FAM53B: variants seen among roughly 807,000 people sequenced by gnomAD.
FAM53B encodes family with sequence similarity 53 member B.
In FAM53B, 12 loss-of-function variants were observed where a neutral mutation model predicts 32.7. The ratio of observed to expected loss-of-function variants is 0.37; its 90% CI spans 0.24 to 0.59. FAM53B has a LOEUF of 0.59. FAM53B is among the 20% of genes least tolerant of loss of function. The probability of loss-of-function intolerance (pLI) is 0.72; values close to 1 mark genes in which losing one functional copy is unlikely to be tolerated. For synonymous variants in FAM53B, 234 were observed against 228.7 expected (o/e 1.02, Z -0.21); for missense variants, 477 against 577.7 (o/e 0.83, Z 1.79).
At chr10:124,626,202 G>C (rs935466698) in intron 4 of FAM53B, among the ~76,000 whole-genome samples, 1 of 152,280 alleles carries the variant, frequency 6.6e-6, no homozygotes, top group African/African-American at 2.4e-5. Context: ...GAACGCAGCA[G>C]GAGCGCAGCC....
chr10:124,668,639 C>T (rs1383274813), intron 4 of FAM53B, among the ~76,000 whole-genome samples: 1 of 152,248 alleles, frequency 6.6e-6, no homozygotes. Context: ...CACAAGGGTG[C>T]TCTCCTTGTC....
chr10:124,649,458 C>T (rs1949541597), intron 4 of FAM53B, among the ~76,000 whole-genome samples: 1 of 152,200 alleles, frequency 6.6e-6, no homozygotes. Flanking sequence ...AGAGAAACAG[C>T]AGGCCTGGCC....
In FAM53B at chr10:124,682,457, G is replaced by T; in HGVS notation, c.134-78C>A. The T allele has an allele frequency of 2.3e-6, 3 of 1,302,064 alleles. No homozygotes were observed. The highest frequency in any genetic ancestry group is 3.1e-6 in the Non-Finnish European group (3 of 952,618). The allele number at this position is 1,302,064 out of a possible 1,614,324, so 80.7% of individuals were successfully genotyped here. ...GCCCTTTATTATCTCCACACCAACA[G>T]CCCGTTTCAAACACAGTATCTTAGA... On this transcript the variant is annotated intron_variant, in intron 3 of 4. Coordinates refer to ENST00000337318, the MANE Select transcript of FAM53B (RefSeq NM_014661.4). This position sits in a 1 kb window ranked among gnomAD's most constrained non-coding sequence, Gnocchi z 5.2.
intron 4 of FAM53B, among the ~76,000 whole-genome samples, chr10:124,676,747 C>T (rs1359305320): frequency 1.3e-5 from 2 of 152,216 alleles, no homozygotes; most frequent in East Asian, 3.8e-4. Context: ...CCCGCCCACC[C>T]AGCTCTCCTG....
intron 3 of FAM53B, 78 bp downstream of exon 3, chr10:124,696,080 G>T: frequency 8.7e-7 from 1 of 1,151,340 alleles, no homozygotes; most frequent in Non-Finnish European, 1.3e-6. Flanking sequence ...AAAGTGCTTT[G>T]AGTGTCTCAC....
intron 2 of FAM53B, among the ~76,000 whole-genome samples, chr10:124,703,265 G>C (rs1373046828): frequency 6.6e-6 from 1 of 152,140 alleles, no homozygotes; most frequent in Non-Finnish European, 1.5e-5. Context: ...AGCCAGGATG[G>C]TCTTGATCTC....
chr10:124,691,946 G>A (rs1005651342), intron 3 of FAM53B, among the ~76,000 whole-genome samples: 3 of 152,216 alleles, frequency 2.0e-5, no homozygotes, highest in African/African-American at 4.8e-5. Flanking sequence ...TCACCCAGCC[G>A]GCTGACCAGG....
At chr10:124,734,514 CT>C (rs1185831977) in intron 1 of FAM53B, among the ~76,000 whole-genome samples, 2 of 152,212 alleles carry the variant, frequency 1.3e-5, no homozygotes, top group East Asian at 3.9e-4. Context: ...AGAGACCTCC[CT>C]TATGCAGCCC....
chr10:124,675,606 G>C (rs1949732052), intron 4 of FAM53B, among the ~76,000 whole-genome samples: 1 of 152,212 alleles, frequency 6.6e-6, no homozygotes, highest in African/African-American at 2.4e-5. Flanking sequence ...CATGAGGCCT[G>C]GGGCACACAG....
intron 4 of FAM53B, among the ~76,000 whole-genome samples, chr10:124,663,999 C>T (rs887980716): frequency 6.6e-5 from 10 of 152,120 alleles, no homozygotes; most frequent in African/African-American, 1.7e-4. Flanking sequence ...GAGCTAACAC[C>T]GTGCCAGGCC....
chr10:124,688,290 C>T (rs1949814490), intron 3 of FAM53B, among the ~76,000 whole-genome samples: 1 of 152,228 alleles, frequency 6.6e-6, no homozygotes, highest in South Asian at 2.1e-4. Flanking sequence ...AGCGCGATGG[C>T]CCACAGCCTG....
chr10:124,646,794 G>C (rs1356252414), intron 4 of FAM53B, among the ~76,000 whole-genome samples: 1 of 152,248 alleles, frequency 6.6e-6, no homozygotes, highest in East Asian at 1.9e-4. Context: ...GCTGGAAGCA[G>C]CCATGATGGA....
At chr10:124,661,145 A>C (rs1158770993) in intron 4 of FAM53B, among the ~76,000 whole-genome samples, 1 of 151,438 alleles carries the variant, frequency 6.6e-6, no homozygotes, top group Admixed American at 6.6e-5. Flanking sequence ...GACAGCTGTC[A>C]CCACTCCTGG....
intron 1 of FAM53B, among the ~76,000 whole-genome samples, chr10:124,718,858 G>A (rs1294887749): frequency 6.6e-6 from 1 of 152,172 alleles, no homozygotes; most frequent in East Asian, 1.9e-4. Context: ...GACCAGCTGG[G>A]CAACATGGAG....
chr10:124,735,400 T>C (rs912662840), intron 1 of FAM53B, among the ~76,000 whole-genome samples: 2 of 152,196 alleles, frequency 1.3e-5, no homozygotes, highest in Non-Finnish European at 2.9e-5. Context: ...AGAGAAAACT[T>C]AGATTTCACC....
chr10:124,632,720 A>G lies in FAM53B; in HGVS notation c.907-9116T>C, dbSNP rs116995941. Among the ~76,000 whole-genome samples, 17 of 152,336 alleles carry G rather than the reference A, an allele frequency of 1.1e-4. No individual in the cohort carries two copies. In the East Asian group the frequency reaches 2.3e-3, roughly 21 times the overall value. On this transcript the variant is annotated intron_variant, in intron 4 of 4. Transcript: ENST00000337318. ...TCTTGGAGAAGTGAGCAAATCACCA[A>G]CTGGTTTAGCCACTCTTGCAGATGA... is the stretch of plus-strand genomic sequence containing the variant.
At chr10:124,629,989 T>C (rs1363121379) in intron 4 of FAM53B, among the ~76,000 whole-genome samples, 1 of 152,134 alleles carries the variant, frequency 6.6e-6, no homozygotes, top group East Asian at 1.9e-4. Flanking sequence ...AACCTTTCCC[T>C]AGGGGCTGAC....
intron 4 of FAM53B, among the ~76,000 whole-genome samples, chr10:124,634,312 C>T (rs1439732079): frequency 6.6e-6 from 1 of 152,226 alleles, no homozygotes; most frequent in Non-Finnish European, 1.5e-5. Context: ...CAAAAGGCCA[C>T]ATATTTCATG....
chr10:124,718,070 G>C (rs1182921554), intron 1 of FAM53B, among the ~76,000 whole-genome samples: 2 of 151,830 alleles, frequency 1.3e-5, no homozygotes, highest in Non-Finnish European at 2.9e-5. Flanking sequence ...CAGCAGCTGG[G>C]CCTTGGAACA....
Sources: gnomAD v4.1 joint callset for allele counts (sites outside exome capture counted in the v4.1 genomes callset) on GRCh38, gnomAD v4.1.1 for gene constraint, Gnocchi (gnomAD v3.1) non-coding constraint, MANE v1.5 for transcripts, NCBI Gene and HGNC (gene_info 2026-07-23, HGNC 2026-07-21) for gene names.